ZRANB3: variants seen among roughly 807,000 people sequenced by gnomAD.
ZRANB3 encodes zinc finger RANBP2-type containing 3, also known as DNA annealing helicase and endonuclease ZRANB3.
In ZRANB3, 125 loss-of-function variants were observed where a neutral mutation model predicts 133.8. The ratio of observed to expected loss-of-function variants is 0.93; its 90% CI spans 0.81 to 1.08. ZRANB3 has a LOEUF of 1.08. Ranked by LOEUF, ZRANB3 falls within the 50% of genes least tolerant of loss-of-function variation. ZRANB3 has a pLI of 0.00. For synonymous variants in ZRANB3, 387 were observed against 432.7 expected, an observed-to-expected ratio of 0.89 and a Z score of 1.31; for missense variants, 1,229 against 1,275.5, an observed-to-expected ratio of 0.96 and a Z score of 0.56.
chr2:135,423,094 C>G (rs1446872138), intron 2 of ZRANB3, among the ~76,000 whole-genome samples: 1 of 152,164 alleles, frequency 6.6e-6, no homozygotes, highest in Non-Finnish European at 1.5e-5. Flanking sequence ...CTAATCTCTG[C>G]CATTCTGCTT....
chr2:135,349,979 A>C lies in ZRANB3; in HGVS notation c.591+5T>G. 1 of 1,612,534 alleles carries C rather than the reference A, an allele frequency of 6.2e-7. No individual in the cohort carries two copies. Among genetic ancestry groups the C allele is most frequent in the Non-Finnish European group, 8.5e-7 (1 of 1,179,188 alleles). ...TTTAAGTTCGAAGTATAAGGATTGTAATACCTCTTCAGGCCTTCCTAAAGC... is the reference window on the plus strand; with the variant it reads ...TTTAAGTTCGAAGTATAAGGATTGTCATACCTCTTCAGGCCTTCCTAAAGC... On this transcript the variant is annotated splice_donor_5th_base_variant and intron_variant, in intron 5 of 20. Coordinates refer to ENST00000264159, the MANE Select transcript of ZRANB3 (RefSeq NM_032143.4).
chr2:135,432,546 A>C (rs1689366908), intron 2 of ZRANB3, among the ~76,000 whole-genome samples: 1 of 152,154 alleles, frequency 6.6e-6, no homozygotes, highest in Non-Finnish European at 1.5e-5. Context: ...AGTTTGGTAA[A>C]CTTTATGGTT....
intron 2 of ZRANB3, among the ~76,000 whole-genome samples, chr2:135,475,984 A>G (rs1057493224): frequency 6.6e-6 from 1 of 152,208 alleles, no homozygotes; most frequent in Non-Finnish European, 1.5e-5. Context: ...AGGCTGAGGC[A>G]AGAGAATCGT....
Position 135,199,785 on chromosome 2 carries a change from T to C in ZRANB3, c.*557A>G, listed in dbSNP as rs1693544324. On this transcript the variant is annotated 3_prime_UTR_variant, in exon 21 of 21. Transcript: ENST00000264159. ...AAAGGATATTTTTGATAAAGATGAC[T>C]AGCTAAGAAATAAAGCAAGAAAAGC... The C allele has an allele frequency of 6.5e-6, 1 of 153,012 alleles. No individual in the cohort carries two copies. Among genetic ancestry groups the C allele is most frequent in the African/African-American group, 2.4e-5 (1 of 41,432 alleles). 9.5% of individuals were successfully genotyped at this position (153,012 alleles called of 1,614,324 possible). A position where few individuals can be genotyped will look rare whatever the true frequency, so the allele number is the denominator to read the frequency against.
At chr2:135,328,568 G>A (rs1324903915) in intron 6 of ZRANB3, among the ~76,000 whole-genome samples, 1 of 151,944 alleles carries the variant, frequency 6.6e-6, no homozygotes, top group African/African-American at 2.4e-5. Context: ...AATCCTTAGA[G>A]TATATATCCA....
At chr2:135,274,706 G>C (rs376225486) in intron 9 of ZRANB3, among the ~76,000 whole-genome samples, 2 of 152,082 alleles carry the variant, frequency 1.3e-5, no homozygotes, top group Admixed American at 6.5e-5. Context: ...GACAATAGTG[G>C]AGGGAAGGTC....
At chr2:135,403,757 C>A (rs1208980476) in intron 2 of ZRANB3, among the ~76,000 whole-genome samples, 2 of 152,150 alleles carry the variant, frequency 1.3e-5, no homozygotes, top group Non-Finnish European at 2.9e-5. Context: ...GACAAAACTT[C>A]CAGAGGAAGG....
At chr2:135,339,358 C>T (rs531489098) in intron 6 of ZRANB3, among the ~76,000 whole-genome samples, 25 of 151,962 alleles carry the variant, frequency 1.6e-4, no homozygotes, top group African/African-American at 4.3e-4. Context: ...TTGCAGTGAG[C>T]GTGCCACTGC....
chr2:135,308,040 G>A (rs1047954444), intron 8 of ZRANB3, among the ~76,000 whole-genome samples: 3 of 152,086 alleles, frequency 2.0e-5, no homozygotes, highest in South Asian at 2.1e-4. Context: ...CATAGTGGGG[G>A]TTGGGGGACC....
At chr2:135,487,987 G>A (rs1306875042) in intron 2 of ZRANB3, among the ~76,000 whole-genome samples, 2 of 152,154 alleles carry the variant, frequency 1.3e-5, no homozygotes. Flanking sequence ...TCCTCACTAA[G>A]CATGATCATT....
intron 2 of ZRANB3, among the ~76,000 whole-genome samples, chr2:135,404,591 A>G (rs1687914024): frequency 1.3e-5 from 2 of 152,192 alleles, no homozygotes; most frequent in South Asian, 2.1e-4. Flanking sequence ...AATTCAGGAA[A>G]TACAGAGAAT....
At chr2:135,407,130 A>C (rs1175762823) in intron 2 of ZRANB3, among the ~76,000 whole-genome samples, 2 of 152,040 alleles carry the variant, frequency 1.3e-5, no homozygotes, top group African/African-American at 4.8e-5. Flanking sequence ...AAAGTCTCAG[A>C]ATACAAAATC....
chr2:135,213,970 T>C (rs894856897), intron 17 of ZRANB3, among the ~76,000 whole-genome samples: 3 of 151,974 alleles, frequency 2.0e-5, no homozygotes, highest in Non-Finnish European at 4.4e-5. Context: ...TAGGAGCTGA[T>C]GGTCCAGCCG....
intron 2 of ZRANB3, among the ~76,000 whole-genome samples, chr2:135,417,187 G>C (rs1262828870): frequency 1.3e-5 from 2 of 152,102 alleles, no homozygotes; most frequent in Non-Finnish European, 2.9e-5. Flanking sequence ...TACAGAATGG[G>C]AGGAAATTTT....
chr2:135,297,012 T>C (rs969359671), intron 8 of ZRANB3, among the ~76,000 whole-genome samples: 1 of 152,228 alleles, frequency 6.6e-6, no homozygotes, highest in Non-Finnish European at 1.5e-5. Context: ...CCAGTTAGGC[T>C]ACTCGGGGGT....
intron 3 of ZRANB3, among the ~76,000 whole-genome samples, chr2:135,368,649 G>T (rs1686039285): frequency 6.6e-6 from 1 of 151,864 alleles, no homozygotes; most frequent in Admixed American, 6.6e-5. Flanking sequence ...TTGGATTGTT[G>T]CAACACAAAG....
chr2:135,412,999 T>C (rs1355831145), intron 2 of ZRANB3, among the ~76,000 whole-genome samples: 1 of 152,202 alleles, frequency 6.6e-6, no homozygotes, highest in Non-Finnish European at 1.5e-5. Context: ...GTCTTTCCTG[T>C]ATATTACTGA....
intron 17 of ZRANB3, among the ~76,000 whole-genome samples, chr2:135,214,035 G>A (rs961059903): frequency 2.0e-5 from 3 of 152,098 alleles, no homozygotes; most frequent in Non-Finnish European, 2.9e-5. Context: ...ACTGAGTTCT[G>A]CCAACAATGT....
chr2:135,485,637 T>C (rs1692080384), intron 2 of ZRANB3, among the ~76,000 whole-genome samples: 1 of 152,174 alleles, frequency 6.6e-6, no homozygotes, highest in Non-Finnish European at 1.5e-5. Flanking sequence ...AGGCATACCT[T>C]GGAGATATTG....
Sources: allele counts gnomAD v4.1 joint callset (sites outside exome capture counted in the v4.1 genomes callset), GRCh38; gene constraint gnomAD v4.1.1; transcripts MANE v1.5; gene names NCBI Gene and HGNC (gene_info 2026-07-23, HGNC 2026-07-21).